The following SPMIP2 variants were observed in gnomAD, a reference collection of about 807,000 sequenced individuals.
SPMIP2 encodes the protein protein SPMIP2.
chr4:158,968,180 T>G, the SPMIP2 span, among the ~76,000 whole-genome samples: 12 of 151,680 alleles, frequency 7.9e-5, no homozygotes, highest in African/African-American at 2.9e-4. Flanking sequence ...CAGGCGCCCA[T>G]CACCACGTCC....
chr4:159,019,201 T>C, the SPMIP2 span, among the ~76,000 whole-genome samples: 2 of 145,282 alleles, frequency 1.4e-5, no homozygotes, highest in South Asian at 2.2e-4. Context: ...GCCTGTGATA[T>C]ACCCAAGTGG....
chr4:158,968,756 C>T, the SPMIP2 span, among the ~76,000 whole-genome samples: 1 of 152,206 alleles, frequency 6.6e-6, no homozygotes, highest in Non-Finnish European at 1.5e-5. Context: ...TGTTTACCTT[C>T]TCTAAATAAA....
chr4:158,926,714 C>A, the SPMIP2 span, among the ~76,000 whole-genome samples: 1 of 152,074 alleles, frequency 6.6e-6, no homozygotes, highest in Non-Finnish European at 1.5e-5. Context: ...CTTTTAATTT[C>A]TTGTTGATTT....
At chr4:158,935,184 A>C in the SPMIP2 span, among the ~76,000 whole-genome samples, 2 of 152,168 alleles carry the variant, frequency 1.3e-5, no homozygotes, top group African/African-American at 2.4e-5. Context: ...TTCCCTTAAG[A>C]CATCATGATG....
the SPMIP2 span, among the ~76,000 whole-genome samples, chr4:159,032,129 C>T: frequency 1.3e-5 from 2 of 151,678 alleles, no homozygotes; most frequent in African/African-American, 2.4e-5. Context: ...GGCTGAGGCA[C>T]GAGAATCACT....
chr4:159,023,419 G>A, the SPMIP2 span, among the ~76,000 whole-genome samples: 1 of 152,156 alleles, frequency 6.6e-6, no homozygotes, highest in Non-Finnish European at 1.5e-5. Context: ...GCAGATCATA[G>A]GATTTCTCCC....
the SPMIP2 span, among the ~76,000 whole-genome samples, chr4:158,943,970 C>A: frequency 6.9e-6 from 1 of 144,718 alleles, no homozygotes; most frequent in Non-Finnish European, 1.5e-5. Flanking sequence ...ATTGTTCTGC[C>A]TCAGCCTCCC....
At chr4:159,069,278 G>A in the SPMIP2 span, among the ~76,000 whole-genome samples, 1 of 152,072 alleles carries the variant, frequency 6.6e-6, no homozygotes, top group Non-Finnish European at 1.5e-5. Context: ...ACTCCAGCCT[G>A]GGTGACAGAG....
At chr4:158,973,379 C>T in the SPMIP2 span, 46 of 960,374 alleles carry the variant, frequency 4.8e-5, no homozygotes, top group Non-Finnish European at 5.6e-5. Context: ...TTATTTTAAC[C>T]GTTGAAATAC....
At chr4:159,037,475 A>T in the SPMIP2 span, among the ~76,000 whole-genome samples, 7 of 148,178 alleles carry the variant, frequency 4.7e-5, no homozygotes, top group African/African-American at 1.8e-4. Context: ...TGCAGGAAAC[A>T]TTTTTAAAAA....
At chr4:158,938,910 C>T in the SPMIP2 span, among the ~76,000 whole-genome samples, 1 of 152,166 alleles carries the variant, frequency 6.6e-6, no homozygotes, top group African/African-American at 2.4e-5. Context: ...CCTATTAGAT[C>T]ATCTAGGGTC....
chr4:159,077,198 T>C, the SPMIP2 span, among the ~76,000 whole-genome samples: 1 of 151,690 alleles, frequency 6.6e-6, no homozygotes, highest in Non-Finnish European at 1.5e-5. Context: ...TGGAGTACAA[T>C]GGTGCGGTCT....
the SPMIP2 span, among the ~76,000 whole-genome samples, chr4:158,903,334 G>A: frequency 1.3e-5 from 2 of 152,150 alleles, no homozygotes; most frequent in Non-Finnish European, 2.9e-5. Context: ...CCAATGAGAT[G>A]AGCCGGGTAC....
the SPMIP2 span, among the ~76,000 whole-genome samples, chr4:158,990,499 C>G: frequency 1.3e-5 from 2 of 152,110 alleles, no homozygotes; most frequent in African/African-American, 4.8e-5. Context: ...AAATGCCCAT[C>G]AATGAAAGAC....
chr4:158,945,277 T>C, the SPMIP2 span, among the ~76,000 whole-genome samples: 1 of 152,114 alleles, frequency 6.6e-6, no homozygotes, highest in Non-Finnish European at 1.5e-5. Flanking sequence ...CTCATCCGTG[T>C]TCTGGGTGAC....
At chr4:159,062,226 C>T in the SPMIP2 span, among the ~76,000 whole-genome samples, 1 of 152,170 alleles carries the variant, frequency 6.6e-6, no homozygotes, top group Non-Finnish European at 1.5e-5. Context: ...TAGTAGTTAC[C>T]TCTTGATTGT....
the SPMIP2 span, among the ~76,000 whole-genome samples, chr4:159,063,297 G>A: frequency 3.1e-4 from 47 of 152,236 alleles, no homozygotes; most frequent in African/African-American, 1.0e-3. Flanking sequence ...GGTGGCTCAC[G>A]CCTGTAATCC....
chr4:158,929,728 A>G, the SPMIP2 span, among the ~76,000 whole-genome samples: 5 of 152,086 alleles, frequency 3.3e-5, no homozygotes, highest in South Asian at 1.0e-3. Context: ...GACAAATTAC[A>G]TTTTTCTAAA....
chr4:158,909,415 C>T, the SPMIP2 span: 5 of 151,408 alleles, frequency 3.3e-5, no homozygotes, highest in South Asian at 2.1e-4. Context: ...GCTGTGTACT[C>T]GGGTGAAACA....
Sources: gnomAD v4.1 joint callset for allele counts (sites outside exome capture counted in the v4.1 genomes callset) on GRCh38, gnomAD v4.1.1 for gene constraint, MANE v1.5 for transcripts, NCBI Gene and HGNC (gene_info 2026-07-23, HGNC 2026-07-21) for gene names.